Variants in ATXN7L1 observed in about 807,000 individuals in gnomAD.
ATXN7L1 encodes the protein ataxin 7 like 1, also known as ataxin-7-like protein 1.
In ATXN7L1, 15 loss-of-function variants were observed where a neutral mutation model predicts 70.8. The observed-to-expected ratio is 0.21, with a 90% CI of 0.14 to 0.33. The LOEUF (loss-of-function observed/expected upper bound fraction) is 0.33. ATXN7L1 is among the 10% of genes least tolerant of loss of function. The probability of loss-of-function intolerance (pLI) is 1.00; values close to 1 mark genes in which losing one functional copy is unlikely to be tolerated. For synonymous variants in ATXN7L1, 440 were observed against 445.1 expected (o/e 0.99, Z 0.14); for missense variants, 975 against 1,097.1 (o/e 0.89, Z 1.57).
intron 3 of ATXN7L1, among the ~76,000 whole-genome samples, chr7:105,708,413 C>T (rs1205789650): frequency 6.6e-6 from 1 of 152,158 alleles, no homozygotes; most frequent in Non-Finnish European, 1.5e-5. Context: ...TTGAGTGGGC[C>T]AGTAAGGGCT....
chr7:105,696,522 A>G (rs1337073456), intron 3 of ATXN7L1, among the ~76,000 whole-genome samples: 1 of 152,226 alleles, frequency 6.6e-6, no homozygotes, highest in Non-Finnish European at 1.5e-5. Context: ...TTTGACAAGC[A>G]TTGGCATAAT....
At chr7:105,619,528 ATATTTTTTTT>A (rs1794594074) in intron 9 of ATXN7L1, among the ~76,000 whole-genome samples, 1 of 14,784 alleles carries the variant, frequency 6.8e-5, no homozygotes, top group African/African-American at 3.0e-4. Context: ...ATATATATAT[ATATTTTTTTT>A]TTTTTTTTTT....
chr7:105,704,193 T>C (rs908051102), intron 3 of ATXN7L1, among the ~76,000 whole-genome samples: 1 of 152,188 alleles, frequency 6.6e-6, no homozygotes, highest in Non-Finnish European at 1.5e-5. Context: ...CCTTAGTACA[T>C]TTTCCTCATC....
At chr7:105,646,549 C>G (rs1265477581) in intron 4 of ATXN7L1, among the ~76,000 whole-genome samples, 1 of 152,112 alleles carries the variant, frequency 6.6e-6, no homozygotes, top group Non-Finnish European at 1.5e-5. Context: ...TCCCAAGTAA[C>G]TGGGATTATA....
chr7:105,743,037 T>G (rs890749352), intron 3 of ATXN7L1, among the ~76,000 whole-genome samples: 2 of 152,200 alleles, frequency 1.3e-5, no homozygotes, highest in Non-Finnish European at 2.9e-5. Flanking sequence ...TCAAGCTCAT[T>G]GCTTTTCAAA....
At position 105,771,201 on chromosome 7, in the gene ATXN7L1, GATAATAATAATA is replaced by G. The variant is rs67884616; in HGVS notation, c.355+17391_355+17402del. Among the ~76,000 whole-genome samples the G allele has an allele frequency of 3.1e-4, 43 of 139,244 alleles. 1 individual carries two copies. The highest frequency in any genetic ancestry group is 1.0e-3 in the East Asian group (5 of 4,784). 91.3% of individuals were successfully genotyped at this position (139,244 alleles called of 152,430 possible). A position where few individuals can be genotyped will look rare whatever the true frequency, so the allele number is the denominator to read the frequency against. On this transcript the variant is annotated intron_variant, in intron 3 of 11. Coordinates refer to ENST00000419735, the MANE Select transcript of ATXN7L1 (RefSeq NM_020725.2). The stretch of plus-strand genomic sequence containing the variant: ...GGCGACAGAGCAAGACTCCGTCTCT[GATAATAATAATA>G]ATAATAATAATAATAATAATAATAA...
At chr7:105,785,528 G>A (rs1460046706) in intron 3 of ATXN7L1, among the ~76,000 whole-genome samples, 1 of 152,100 alleles carries the variant, frequency 6.6e-6, no homozygotes, top group African/African-American at 2.4e-5. Context: ...CACAGTGTCT[G>A]GCACTCGGCA....
At chr7:105,689,308 A>G (rs1020421817) in intron 3 of ATXN7L1, among the ~76,000 whole-genome samples, 10 of 152,124 alleles carry the variant, frequency 6.6e-5, no homozygotes, top group African/African-American at 2.2e-4. Flanking sequence ...TGTTTCTAAG[A>G]TATTGGCAGG....
Position 105,642,938 on chromosome 7 carries a change from T to C in ATXN7L1, c.762A>G (p.Pro254=). The C allele has an allele frequency of 6.4e-7, 1 of 1,551,720 alleles. No individual in the cohort carries two copies. Among genetic ancestry groups the C allele is most frequent in the Non-Finnish European group, 8.7e-7 (1 of 1,146,988 alleles). The change falls in exon 5 of 12, where the codon CCA becomes CCG. Residue 254 remains proline, a synonymous_variant. Coordinates refer to ENST00000419735, the MANE Select transcript of ATXN7L1 (RefSeq NM_020725.2). The part of the protein sequence containing the change: ...VLMSKSVPPS[P]EKILNGKGIL... Reference sequence around the variant, plus strand: ...TTCCTTTGCCATTTAAGATCTTCTCTGGTGAAGGTGGCACTGACTTGGACA... The same window carrying C: ...TTCCTTTGCCATTTAAGATCTTCTCCGGTGAAGGTGGCACTGACTTGGACA...
chr7:105,630,707 A>C (rs1484234684), intron 7 of ATXN7L1, among the ~76,000 whole-genome samples: 1 of 134,880 alleles, frequency 7.4e-6, no homozygotes. Context: ...ACAGAGTGAG[A>C]CCCTGTCTCA....
intron 5 of ATXN7L1, 121 bp from the exon 6 acceptor site, chr7:105,639,690 C>T: frequency 1.3e-6 from 1 of 740,964 alleles, no homozygotes; most frequent in Non-Finnish European, 2.2e-6. Context: ...GTCAGGCAAT[C>T]TGTTTTTTGT....
chr7:105,733,057 A>T (rs2116334615), intron 3 of ATXN7L1, among the ~76,000 whole-genome samples: 1 of 152,320 alleles, frequency 6.6e-6, no homozygotes, highest in Middle Eastern at 3.4e-3. Context: ...CAGTACTAAC[A>T]TATTGTCTAT....
intron 2 of ATXN7L1, among the ~76,000 whole-genome samples, chr7:105,790,717 A>ATCTATCTATCTG (rs1563095702): frequency 3.3e-5 from 5 of 150,132 alleles, no homozygotes; most frequent in East Asian, 1.9e-4. Flanking sequence ...CTATCTATCT[A>ATCTATCTATCTG]TCTGACAAAA....
chr7:105,658,012 A>C (rs948864649), intron 4 of ATXN7L1, among the ~76,000 whole-genome samples: 2 of 152,196 alleles, frequency 1.3e-5, no homozygotes, highest in African/African-American at 4.8e-5. Flanking sequence ...TGAAAAGAAA[A>C]TAATGTAATC....
At chr7:105,664,948 C>T in intron 4 of ATXN7L1, 118 bp downstream of exon 4, 1 of 1,026,862 alleles carries the variant, frequency 9.7e-7, no homozygotes, top group Non-Finnish European at 1.4e-6. Flanking sequence ...TTCCTCAGTC[C>T]CCCAAATTCC....
At chr7:105,861,052 G>C (rs1310193105) in intron 2 of ATXN7L1, among the ~76,000 whole-genome samples, 3 of 152,098 alleles carry the variant, frequency 2.0e-5, no homozygotes, top group Admixed American at 6.5e-5. Context: ...TCCTTAGAAA[G>C]TATGGCTGGC....
intron 3 of ATXN7L1, among the ~76,000 whole-genome samples, chr7:105,682,905 G>T (rs1163106571): frequency 6.6e-6 from 1 of 152,140 alleles, no homozygotes; most frequent in African/African-American, 2.4e-5. Flanking sequence ...AAATGTCACT[G>T]AATTGTTCAG....
chr7:105,742,354 A>G (rs1307098365), intron 3 of ATXN7L1, among the ~76,000 whole-genome samples: 2 of 152,002 alleles, frequency 1.3e-5, no homozygotes, highest in Non-Finnish European at 2.9e-5. Context: ...TTTCATATGG[A>G]CTCTCTCATC....
rs987035570 is a variant in ATXN7L1 at position 105,614,900 on chromosome 7, G to A, written c.1518-84C>T. ...GAGGCTCGATGACGTTTGAGGATCA[G>A]GGCTACAGAGGACACCCCGGCAGAA... is the stretch of plus-strand genomic sequence containing the variant. On this transcript the variant is annotated intron_variant, in intron 9 of 11. Transcript: ENST00000419735. The surrounding 1 kb of genome is among the most constrained non-coding windows in gnomAD (Gnocchi z 4.3). The A allele has an allele frequency of 6.9e-7, 1 of 1,442,792 alleles. No individual in the cohort carries two copies. Among genetic ancestry groups the A allele is most frequent in the Admixed American group, 2.5e-5 (1 of 40,812 alleles). The allele number at this position is 1,442,792 out of a possible 1,614,324, so 89.4% of individuals were successfully genotyped here.
Sources: allele counts gnomAD v4.1 joint callset (sites outside exome capture counted in the v4.1 genomes callset), GRCh38; gene constraint gnomAD v4.1.1; non-coding constraint Gnocchi (gnomAD v3.1); transcripts MANE v1.5; gene names NCBI Gene and HGNC (gene_info 2026-07-23, HGNC 2026-07-21).